The following NFATC2 variants were observed in gnomAD, a reference collection of about 807,000 sequenced individuals.
NFATC2 encodes nuclear factor of activated T cells 2.
Under a neutral mutation model 87.3 loss-of-function variants are expected in NFATC2, and 22 were observed. The ratio of observed to expected loss-of-function variants is 0.25; its 90% CI spans 0.18 to 0.36. The LOEUF (loss-of-function observed/expected upper bound fraction) is 0.36. Ranked by LOEUF, NFATC2 falls within the 10% of genes least tolerant of loss-of-function variation. The pLI, the probability that NFATC2 is intolerant of heterozygous loss-of-function variation, is 1.00. For synonymous variants in NFATC2, 565 were observed against 542.2 expected (o/e 1.04, Z -0.58); for missense variants, 1,149 against 1,259.1 (o/e 0.91, Z 1.32).
chr20:51,405,457 C>T (rs900588585), intron 9 of NFATC2, among the ~76,000 whole-genome samples: 4 of 149,490 alleles, frequency 2.7e-5, no homozygotes, highest in African/African-American at 9.8e-5. Flanking sequence ...GCCTCACCAG[C>T]AGGTCTGTTT....
chr20:51,441,648 C>G (rs1279052409), intron 6 of NFATC2, among the ~76,000 whole-genome samples: 4 of 127,760 alleles, frequency 3.1e-5, no homozygotes, highest in Non-Finnish European at 6.5e-5. Context: ...ACCGGGGAGG[C>G]GGAGGTTGCA....
At chr20:51,513,435 T>C (rs2076303016) in intron 3 of NFATC2, among the ~76,000 whole-genome samples, 1 of 152,216 alleles carries the variant, frequency 6.6e-6, no homozygotes, top group Non-Finnish European at 1.5e-5. Flanking sequence ...GCAGTGATCA[T>C]GCCACTGCAC....
Position 51,523,779 on chromosome 20 carries a change from G to A in NFATC2, c.462C>T (p.Pro154=), listed in dbSNP as rs776295697. The A allele has an allele frequency of 3.7e-6, 6 of 1,609,220 alleles. No homozygotes were observed. The highest frequency in any genetic ancestry group is 1.1e-5 in the South Asian group (1 of 90,830). Residue 154 remains proline, a synonymous_variant, in exon 2 of 11, where the codon CCC becomes CCT. Coordinates refer to ENST00000371564, the MANE Select transcript of NFATC2 (RefSeq NM_012340.5). The surrounding 1 kb of genome is among the most constrained non-coding windows in gnomAD (Gnocchi z 6.9). ...CGCGGTAGCCCTCGAAGCCGGGCAC[G>A]GGCAGGGTGAACCTCGGGCTGGCGG... ...GVAASPRFTL[P]VPGFEGYREP...
Position 51,397,336 on chromosome 20 carries a change from CATAAAACCCTCA to C in NFATC2, c.*44+1295_*44+1306del, listed in dbSNP as rs569740581. On this transcript the variant is annotated intron_variant, in intron 10 of 10. Transcript: ENST00000371564. ...CTTGAGTGAGGCTCAGTGAAAAGAACATAAAACCCTCAATAGGACCCTCAATAGGACTGTAGC... is the reference window on the plus strand; with the variant it reads ...CTTGAGTGAGGCTCAGTGAAAAGAACATAGGACCCTCAATAGGACTGTAGC... 9.5e-3 allele frequency among the ~76,000 whole-genome samples: 1,452 copies of C among 152,266 alleles called. 29 individuals carry two copies. The highest frequency in any genetic ancestry group is 0.034 in the African/African-American group (1,407 of 41,534).
intron 5 of NFATC2, among the ~76,000 whole-genome samples, chr20:51,457,482 T>C (rs1188311651): frequency 6.6e-6 from 1 of 152,204 alleles, no homozygotes; most frequent in Non-Finnish European, 1.5e-5. Flanking sequence ...CTCTCTTTCC[T>C]GCGGCAGCCT....
chr20:51,396,841 C>T (rs1244580879), intron 10 of NFATC2, among the ~76,000 whole-genome samples: 1 of 152,128 alleles, frequency 6.6e-6, no homozygotes, highest in African/African-American at 2.4e-5. Flanking sequence ...TTGGTCCTAA[C>T]TGTTCTCAGG....
In NFATC2 at chr20:51,523,889, A is replaced by T. The variant is rs774883069; in HGVS notation, c.352T>A (p.Ser118Thr). ...CCCACTGCCTGGATCAGTTCGTGGG[A>T]CGGAGTGATCTCGATCCGAGGGCTC... ...GLSPRIEITPSHELIQAVGPL... is the reference protein window; with the variant it reads ...GLSPRIEITPTHELIQAVGPL... The change falls in exon 2 of 11, where the codon TCC becomes ACC. Residue 118 changes from serine to threonine, a missense_variant. Around this residue, in one of 3 missense-constraint regions of NFATC2, gnomAD observed 563 missense variants for 585.2 expected, o/e 0.96. Transcript: ENST00000371564. The surrounding 1 kb of genome is among the most constrained non-coding windows in gnomAD (Gnocchi z 6.9). 2 of 1,606,480 alleles carry T rather than the reference A, an allele frequency of 1.2e-6. No individual in the cohort carries two copies.
At chr20:51,460,277 G>A (rs186694566) in intron 5 of NFATC2, among the ~76,000 whole-genome samples, 103 of 152,322 alleles carry the variant, frequency 6.8e-4, no homozygotes, top group Admixed American at 1.6e-3. Flanking sequence ...AGGGCAGCAC[G>A]TGCTCTTGGT....
intron 6 of NFATC2, among the ~76,000 whole-genome samples, chr20:51,445,698 C>T (rs984250589): frequency 1.3e-5 from 2 of 152,182 alleles, no homozygotes; most frequent in African/African-American, 4.8e-5. Flanking sequence ...AAGTGTCCTG[C>T]TTATAAACAA....
chr20:51,430,539 AGAGGTCAG>A (rs1982549821), intron 9 of NFATC2, among the ~76,000 whole-genome samples: 1 of 152,214 alleles, frequency 6.6e-6, no homozygotes, highest in Non-Finnish European at 1.5e-5. Flanking sequence ...AGCAATACCT[AGAGGTCAG>A]CCTTGTAAGG....
chr20:51,424,526 G>C (rs556877876), intron 9 of NFATC2, among the ~76,000 whole-genome samples: 1 of 152,252 alleles, frequency 6.6e-6, no homozygotes, highest in Non-Finnish European at 1.5e-5. Flanking sequence ...CAGAGAGTCG[G>C]GCACCATTAT....
At chr20:51,489,484 G>C (rs571166859) in intron 3 of NFATC2, among the ~76,000 whole-genome samples, 7 of 152,272 alleles carry the variant, frequency 4.6e-5, no homozygotes, top group African/African-American at 1.4e-4. Context: ...TTTTCTGTTA[G>C]AGGTAATTAA....
At chr20:51,400,053 A>G (rs887639121) in intron 9 of NFATC2, among the ~76,000 whole-genome samples, 3 of 152,108 alleles carry the variant, frequency 2.0e-5, no homozygotes, top group Admixed American at 2.0e-4. Context: ...GTTCAGGCCA[A>G]CCTGTGTGTT....
intron 2 of NFATC2, among the ~76,000 whole-genome samples, chr20:51,517,439 A>G (rs1308060578): frequency 6.6e-6 from 1 of 152,032 alleles, no homozygotes; most frequent in Non-Finnish European, 1.5e-5. Context: ...AAATACAAAA[A>G]AAATCAGCCA....
chr20:51,438,086 G>A (rs1222270666), intron 6 of NFATC2, among the ~76,000 whole-genome samples: 2 of 152,212 alleles, frequency 1.3e-5, no homozygotes, highest in Non-Finnish European at 2.9e-5. Context: ...CAAGACCTGA[G>A]TCCTTTCAGT....
intron 6 of NFATC2, 38 bp from the exon 7 acceptor site, chr20:51,435,799 A>C (rs953646233): frequency 6.5e-7 from 1 of 1,542,850 alleles, no homozygotes; most frequent in Non-Finnish European, 8.8e-7. Flanking sequence ...TGAAGGAACT[A>C]TTAGAAACCA....
In NFATC2 at chr20:51,391,469, A is replaced by AGGGG. The variant is rs3830840; in HGVS notation, c.*45-22_*45-19dup. ...TTCATTAACTACAAAAGAAAAGAGG[A>AGGGG]GGGGGGGGGAGAGAGAATGGGGCAA... On this transcript the variant is annotated intron_variant, in intron 10 of 10. Coordinates refer to ENST00000371564, the MANE Select transcript of NFATC2 (RefSeq NM_012340.5). 5 of 1,088,946 alleles carry AGGGG rather than the reference A, an allele frequency of 4.6e-6. No homozygotes were observed. The highest frequency in any genetic ancestry group is 1.9e-5 in the Admixed American group (1 of 52,748). 67.5% of individuals were successfully genotyped at this position (1,088,946 alleles called of 1,614,324 possible).
At chr20:51,483,472 C>T in intron 3 of NFATC2, among the ~76,000 whole-genome samples, 1 of 151,972 alleles carries the variant, frequency 6.6e-6, no homozygotes, top group Non-Finnish European at 1.5e-5. Context: ...GGGAAGAGGA[C>T]TGCAATTCCC....
intron 9 of NFATC2, among the ~76,000 whole-genome samples, chr20:51,424,587 G>A (rs1981482581): frequency 6.6e-6 from 1 of 152,174 alleles, no homozygotes. Context: ...GCCAGACTGA[G>A]AGCCAGGCAG....
Sources: gnomAD v4.1 joint callset for allele counts (sites outside exome capture counted in the v4.1 genomes callset) on GRCh38, gnomAD v4.1.1 for gene constraint, gnomAD v4.1.1 regional missense constraint, Gnocchi (gnomAD v3.1) non-coding constraint, MANE v1.5 for transcripts, NCBI Gene and HGNC (gene_info 2026-07-23, HGNC 2026-07-21) for gene names.